TTC7B: variants seen among roughly 807,000 people sequenced by gnomAD.
The protein encoded by TTC7B is tetratricopeptide repeat protein 7B.
Under a neutral mutation model 106.8 loss-of-function variants are expected in TTC7B, and 28 were observed. The ratio of observed to expected loss-of-function variants is 0.26; its 90% confidence interval spans 0.19 to 0.36. TTC7B has a LOEUF of 0.36. TTC7B is among the 10% of genes least tolerant of loss of function. TTC7B has a pLI of 1.00. For synonymous variants in TTC7B, 405 were observed against 430.6 expected (o/e 0.94, Z 0.74); for missense variants, 862 against 1,076.4 (o/e 0.80, Z 2.79).
intron 19 of TTC7B, among the ~76,000 whole-genome samples, chr14:90,576,049 T>C (rs781170384): frequency 6.6e-6 from 1 of 152,032 alleles, no homozygotes; most frequent in Non-Finnish European, 1.5e-5. Flanking sequence ...GTGCCTGGCA[T>C]GTGTCAGGCA....
intron 7 of TTC7B, among the ~76,000 whole-genome samples, chr14:90,681,968 T>A (rs1473056525): frequency 2.6e-5 from 4 of 151,854 alleles, no homozygotes; most frequent in Middle Eastern, 3.2e-3. Flanking sequence ...TTACATGCAA[T>A]TGGGACCTTG....
At position 90,578,057 on chromosome 14, in the gene TTC7B, G is replaced by A; in HGVS notation, c.2310+49C>T. On this transcript the variant is annotated intron_variant, in intron 19 of 19. Transcript: ENST00000328459. The surrounding 1 kb of genome is among the most constrained non-coding windows in gnomAD (Gnocchi z 4.7). ...TCATGTGCTACCTGCCGCTTCCAAG[G>A]GCTGTCCCCATGCCAGAGTAGGGGC... is the stretch of plus-strand genomic sequence containing the variant. The A allele has an allele frequency of 1.3e-6, 2 of 1,561,338 alleles. No homozygotes were observed. Among genetic ancestry groups the A allele is most frequent in the Non-Finnish European group, 1.7e-6 (2 of 1,152,176 alleles).
At position 90,537,352 on chromosome 14, in the gene TTC7B, AT is replaced by A. The variant is rs746402998; in HGVS notation, c.*4015del. 204 of 107,526 alleles carry A rather than the reference AT, an allele frequency of 1.9e-3. 2 individuals carry two copies. The highest frequency in any genetic ancestry group is 5.2e-3 in the Middle Eastern group (1 of 192). The allele number at this position is 107,526 out of a possible 1,614,324, so 6.7% of individuals were successfully genotyped here. Reference sequence around the variant, plus strand: ...CAGGTGCACGCCACCAAACCTGGCTATTTTTTTTTTTTTGTAGAGATGGGGG... The same window carrying A: ...CAGGTGCACGCCACCAAACCTGGCTATTTTTTTTTTTTGTAGAGATGGGGG... On this transcript the variant is annotated 3_prime_UTR_variant, in exon 20 of 20. Transcript: ENST00000328459.
At chr14:90,725,272 C>A (rs770063896) in intron 5 of TTC7B, among the ~76,000 whole-genome samples, 4 of 152,212 alleles carry the variant, frequency 2.6e-5, no homozygotes, top group Non-Finnish European at 5.9e-5. Context: ...GCAAAGCATG[C>A]TCACGTCCTG....
chr14:90,766,135 GT>G (rs3085720), intron 3 of TTC7B, among the ~76,000 whole-genome samples: 9,246 of 143,304 alleles, frequency 0.065, 340 homozygotes, highest in Non-Finnish European at 0.087. Flanking sequence ...AGCCTACAAC[GT>G]TTTTTTTTTT....
At chr14:90,611,595 A>ATGGCAGGGTTTTGG (rs1290886250) in intron 16 of TTC7B, among the ~76,000 whole-genome samples, 1 of 152,124 alleles carries the variant, frequency 6.6e-6, no homozygotes, top group Non-Finnish European at 1.5e-5. Context: ...GGGAGAGAAC[A>ATGGCAGGGTTTTGG]TGGCAGGGTT....
At chr14:90,582,396 T>C (rs1466620437) in intron 18 of TTC7B, among the ~76,000 whole-genome samples, 1 of 152,248 alleles carries the variant, frequency 6.6e-6, no homozygotes, top group Non-Finnish European at 1.5e-5. Context: ...GCCTAGCCCA[T>C]AGCTCTCCCA....
In TTC7B at chr14:90,610,809, A is replaced by G. The variant is rs1199485656; in HGVS notation, c.1899T>C (p.Asp633=). 6.2e-7 allele frequency: 1 copy of G among 1,613,840 alleles called. No homozygotes were observed. The highest frequency in any genetic ancestry group is 1.3e-5 in the African/African-American group (1 of 74,888). ...SDSGRGSSLL[D]RTIADRRQLN... ...GCTGTCGTCTGTCAGCAATGGTTCTATCTAAGAGGCTGCTCCCACGTCCAG... is the reference window on the plus strand; with the variant it reads ...GCTGTCGTCTGTCAGCAATGGTTCTGTCTAAGAGGCTGCTCCCACGTCCAG... The change falls in exon 17 of 20, where the codon GAT becomes GAC. Residue 633 remains aspartate, a synonymous_variant. Coordinates refer to ENST00000328459, the MANE Select transcript of TTC7B (RefSeq NM_001010854.2).
chr14:90,675,728 C>T (rs1177898174), intron 9 of TTC7B: 1 of 152,000 alleles, frequency 6.6e-6, no homozygotes, highest in Non-Finnish European at 1.5e-5. Flanking sequence ...GTCCTCGTGC[C>T]CAGAGGCTGT....
chr14:90,652,146 G>A (rs2139892960), intron 13 of TTC7B, among the ~76,000 whole-genome samples: 1 of 152,290 alleles, frequency 6.6e-6, no homozygotes. Context: ...ACTGCATACT[G>A]ACTTCAACAG....
At chr14:90,554,744 A>G (rs933699398) in intron 19 of TTC7B, among the ~76,000 whole-genome samples, 7 of 152,240 alleles carry the variant, frequency 4.6e-5, no homozygotes, top group Non-Finnish European at 7.3e-5. Context: ...AAAAGAGACA[A>G]TATGATGCTC....
intron 5 of TTC7B, among the ~76,000 whole-genome samples, chr14:90,707,698 ACATTCC>A (rs1888266521): frequency 6.6e-6 from 1 of 152,238 alleles, no homozygotes; most frequent in African/African-American, 2.4e-5. Context: ...AGCAGCCTCA[ACATTCC>A]CTTAAACCAA....
intron 17 of TTC7B, chr14:90,593,848 C>A: frequency 7.3e-6 from 3 of 412,608 alleles, no homozygotes; most frequent in Non-Finnish European, 8.6e-6. Context: ...GCACATGCCC[C>A]CTCCAGGAGC....
At position 90,805,409 on chromosome 14, in the gene TTC7B, G is replaced by A. The variant is rs1415593749; in HGVS notation, c.121+10766C>T. Among the ~76,000 whole-genome samples the A allele has an allele frequency of 2.0e-5, 3 of 152,130 alleles. No homozygotes were observed. The highest frequency in any genetic ancestry group is 1.9e-4 in the East Asian group (1 of 5,180). ...CTCCCGCGTAGCTGCGATTACAGGC[G>A]TGTACCACAATGCCCGGCTAATTTT... On this transcript the variant is annotated intron_variant, in intron 1 of 19. Coordinates refer to ENST00000328459, the MANE Select transcript of TTC7B (RefSeq NM_001010854.2). The surrounding 1 kb of genome is among the most constrained non-coding windows in gnomAD (Gnocchi z 4.0).
intron 3 of TTC7B, among the ~76,000 whole-genome samples, chr14:90,774,586 GC>G (rs1263405814): frequency 6.6e-6 from 1 of 152,204 alleles, no homozygotes; most frequent in African/African-American, 2.4e-5. Flanking sequence ...CCATCTGCCT[GC>G]CAAGCATCTG....
rs535914540 is a variant in TTC7B at position 90,757,944 on chromosome 14, T to A, written c.446-13022A>T. On this transcript the variant is annotated intron_variant, in intron 3 of 19. Transcript: ENST00000328459. The surrounding 1 kb of genome is among the most constrained non-coding windows in gnomAD (Gnocchi z 4.1). ...TCTTTGTAAATACCCACGCATTGAATGTTTAACGTATTAAATGCTGTCAGC... is the reference window on the plus strand; with the variant it reads ...TCTTTGTAAATACCCACGCATTGAAAGTTTAACGTATTAAATGCTGTCAGC... Among the ~76,000 whole-genome samples, 6 of 152,278 alleles carry A rather than the reference T, an allele frequency of 3.9e-5. No homozygotes were observed. The highest frequency in any genetic ancestry group is 1.4e-4 in the African/African-American group (6 of 41,550).
In TTC7B at chr14:90,799,265, A is replaced by G. The variant is rs2030096074; in HGVS notation, c.122-12937T>C. Reference sequence around the variant, plus strand: ...GACACATTTCAGGTCAGCTTGGAGCAGCTTCCCTTGCTCCCTCGGCCTGGG... The same window carrying G: ...GACACATTTCAGGTCAGCTTGGAGCGGCTTCCCTTGCTCCCTCGGCCTGGG... On this transcript the variant is annotated intron_variant, in intron 1 of 19. Coordinates refer to ENST00000328459, the MANE Select transcript of TTC7B (RefSeq NM_001010854.2). Among the ~76,000 whole-genome samples, 5 of 152,304 alleles carry G rather than the reference A, an allele frequency of 3.3e-5. No homozygotes were observed. In the South Asian group the frequency reaches 1.0e-3, roughly 32 times the overall value.
intron 4 of TTC7B, among the ~76,000 whole-genome samples, chr14:90,736,926 G>A (rs8022989): frequency 0.32 from 45,961 of 143,344 alleles, 8,144 homozygotes; most frequent in African/African-American, 0.49. Context: ...GTATATATAC[G>A]TATATACACA....
chr14:90,728,465 C>G (rs1049860492), intron 5 of TTC7B, among the ~76,000 whole-genome samples: 1 of 151,938 alleles, frequency 6.6e-6, no homozygotes, highest in Admixed American at 6.6e-5. Flanking sequence ...TAAGCAGTCC[C>G]TTAAGGCTAC....
Sources: allele counts gnomAD v4.1 joint callset (sites outside exome capture counted in the v4.1 genomes callset), GRCh38; gene constraint gnomAD v4.1.1; non-coding constraint Gnocchi (gnomAD v3.1); transcripts MANE v1.5; gene names NCBI Gene and HGNC (gene_info 2026-07-23, HGNC 2026-07-21).